Variants in NOSTRIN observed in about 807,000 individuals in gnomAD.
NOSTRIN encodes BM247 homolog.
NOSTRIN carries 63 observed loss-of-function variants against 59.0 expected under a neutral mutation model. The observed-to-expected ratio is 1.07, with a 90% CI of 0.87 to 1.32. NOSTRIN has a LOEUF of 1.32. NOSTRIN is among the 40% of genes most tolerant of loss of function. NOSTRIN has a pLI of 0.00. For missense variants in NOSTRIN, 512 were observed against 473.1 expected, an observed-to-expected ratio of 1.08 and a Z score of -0.76; for synonymous variants, 200 against 165.4, an observed-to-expected ratio of 1.21 and a Z score of -1.61.
chr2:168,858,821 G>A (rs1326897282), intron 12 of NOSTRIN, among the ~76,000 whole-genome samples: 1 of 152,160 alleles, frequency 6.6e-6, no homozygotes, highest in African/African-American at 2.4e-5. Flanking sequence ...TGAGGAGGGG[G>A]CTGGATAAGC....
upstream of NOSTRIN, among the ~76,000 whole-genome samples, chr2:168,793,473 C>T (rs534950093): frequency 2.6e-5 from 4 of 152,032 alleles, 1 homozygote; most frequent in South Asian, 6.2e-4. Flanking sequence ...TAGCTGGGCC[C>T]GGTGGCACAC....
chr2:168,860,535 G>A (rs897750983), intron 13 of NOSTRIN, among the ~76,000 whole-genome samples: 2 of 152,110 alleles, frequency 1.3e-5, no homozygotes, highest in African/African-American at 4.8e-5. Context: ...GCCAGGCATG[G>A]TGGTGGGCAC....
At chr2:168,847,427 T>C (rs767369530) in intron 8 of NOSTRIN, among the ~76,000 whole-genome samples, 36 of 152,304 alleles carry the variant, frequency 2.4e-4, no homozygotes, top group African/African-American at 6.5e-4. Flanking sequence ...AATCAGAGCC[T>C]CTGAATGATT....
chr2:168,801,118 C>T (rs1407876108), upstream of NOSTRIN: 1 of 152,004 alleles, frequency 6.6e-6, no homozygotes, highest in African/African-American at 2.4e-5. Flanking sequence ...TTGTTGTAAC[C>T]TCCAGTGATC....
chr2:168,860,080 C>G (rs1689347257), intron 13 of NOSTRIN, among the ~76,000 whole-genome samples: 1 of 152,150 alleles, frequency 6.6e-6, no homozygotes, highest in South Asian at 2.1e-4. Context: ...TATTACTGAT[C>G]AGAAGGGGGA....
chr2:168,789,709 G>A (rs1685298498), intron 2 of NOSTRIN, among the ~76,000 whole-genome samples: 1 of 152,206 alleles, frequency 6.6e-6, no homozygotes, highest in Non-Finnish European at 1.5e-5. Context: ...CACAACCAAT[G>A]CCATGGAAAA....
intron 8 of NOSTRIN, among the ~76,000 whole-genome samples, chr2:168,849,918 A>ATTTTG (rs56323647): frequency 0.079 from 7,240 of 91,306 alleles, 532 homozygotes; most frequent in African/African-American, 0.25. Context: ...ACATTTTCTC[A>ATTTTG]TTTTTTTTTT....
intron 8 of NOSTRIN, among the ~76,000 whole-genome samples, chr2:168,849,326 C>A (rs1688609217): frequency 3.9e-5 from 6 of 151,994 alleles, no homozygotes; most frequent in Admixed American, 3.3e-4. Context: ...AATGCCCAGG[C>A]CTTGTATTTT....
At chr2:168,850,035 C>T (rs1047147165) in intron 8 of NOSTRIN, among the ~76,000 whole-genome samples, 1 of 151,616 alleles carries the variant, frequency 6.6e-6, no homozygotes, top group Non-Finnish European at 1.5e-5. Flanking sequence ...GCCTCAACCT[C>T]CTGAGTAGCT....
intron 8 of NOSTRIN, among the ~76,000 whole-genome samples, chr2:168,844,727 G>T (rs774716052): frequency 1.3e-5 from 2 of 152,104 alleles, no homozygotes; most frequent in Non-Finnish European, 1.5e-5. Flanking sequence ...AAAATTAGCC[G>T]CGCGTGGTGG....
At chr2:168,861,910 T>G (rs751256103) in intron 14 of NOSTRIN, 50 bp from the exon 15 acceptor site, 1 of 1,532,578 alleles carries the variant, frequency 6.5e-7, no homozygotes, top group Non-Finnish European at 9.0e-7. Flanking sequence ...TCAGCTCATA[T>G]TCATTTGCCT....
At chr2:168,794,402 A>G (rs375931168), upstream of NOSTRIN, among the ~76,000 whole-genome samples, 17 of 145,474 alleles carry the variant, frequency 1.2e-4, no homozygotes, top group East Asian at 3.3e-3. Flanking sequence ...CCCAGGCTGG[A>G]GTGCAGTGGC....
intron 14 of NOSTRIN, among the ~76,000 whole-genome samples, chr2:168,861,531 C>T (rs1689450458): frequency 6.6e-6 from 1 of 151,492 alleles, no homozygotes; most frequent in African/African-American, 2.4e-5. Context: ...TTATGGTTCA[C>T]ACAATATATT....
chr2:168,838,749 C>G (rs930314803), intron 7 of NOSTRIN, among the ~76,000 whole-genome samples: 7 of 151,304 alleles, frequency 4.6e-5, no homozygotes, highest in African/African-American at 1.7e-4. Flanking sequence ...TGAAAGCCTT[C>G]AAAGGCTTCC....
chr2:168,842,576 A>G (rs1447703884), intron 7 of NOSTRIN, among the ~76,000 whole-genome samples: 1 of 152,202 alleles, frequency 6.6e-6, no homozygotes, highest in Non-Finnish European at 1.5e-5. Context: ...TGATTCCACA[A>G]GTCTCTACCT....
intron 1 of NOSTRIN, among the ~76,000 whole-genome samples, chr2:168,807,601 G>A (rs750671532): frequency 6.6e-6 from 1 of 152,196 alleles, no homozygotes; most frequent in Non-Finnish European, 1.5e-5. Context: ...TTAACAACAA[G>A]TATGAAGATC....
chr2:168,820,575 G>A (rs1686676887), intron 2 of NOSTRIN, among the ~76,000 whole-genome samples: 1 of 152,102 alleles, frequency 6.6e-6, no homozygotes, highest in Admixed American at 6.6e-5. Flanking sequence ...CTGCCCTGCT[G>A]AAGATTTCTA....
At chr2:168,832,834 C>T (rs1574293948) in intron 6 of NOSTRIN, among the ~76,000 whole-genome samples, 1 of 152,260 alleles carries the variant, frequency 6.6e-6, no homozygotes, top group East Asian at 1.9e-4. Context: ...GTTGCCCAGG[C>T]TGATCCCGAA....
At chr2:168,822,294 T>A (rs1243805776) in intron 2 of NOSTRIN, among the ~76,000 whole-genome samples, 1 of 152,192 alleles carries the variant, frequency 6.6e-6, no homozygotes, top group Non-Finnish European at 1.5e-5. Context: ...CATCCTGCAA[T>A]GACTTTCTTA....
Sources: allele counts gnomAD v4.1 joint callset (sites outside exome capture counted in the v4.1 genomes callset), GRCh38; gene constraint gnomAD v4.1.1; transcripts MANE v1.5; gene names NCBI Gene and HGNC (gene_info 2026-07-23, HGNC 2026-07-21).